BRWD1: variants seen among roughly 807,000 people sequenced by gnomAD.
BRWD1 encodes the protein bromodomain and WD repeat-containing protein 1.
Under a neutral mutation model 251.2 loss-of-function variants are expected in BRWD1, and 82 were observed. The ratio of observed to expected loss-of-function variants is 0.33; its 90% CI spans 0.27 to 0.39. BRWD1 has a LOEUF of 0.39. Ranked by LOEUF, BRWD1 falls within the 10% of genes least tolerant of loss-of-function variation. The pLI is 1.00. For synonymous variants in BRWD1, 918 were observed against 902.8 expected (o/e 1.02, Z -0.30); for missense variants, 2,233 against 2,711.6 (o/e 0.82, Z 3.92).
chr21:39,197,160 G>C lies in BRWD1; in HGVS notation c.5909C>G (p.Thr1970Ser). 6 of 1,614,108 alleles carry C rather than the reference G, an allele frequency of 3.7e-6. No homozygotes were observed. The highest frequency in any genetic ancestry group is 5.1e-6 in the Non-Finnish European group (6 of 1,179,978). Residue 1970 changes from threonine to serine, a missense_variant, in exon 41 of 41, where the codon ACT becomes AGT. Thr to Ser is a moderately conservative substitution (Grantham distance 58, BLOSUM62 1). Transcript: ENST00000342449. ...ATCACTCAATTTCTTCTTAGCTGTAGTACAAGCAAGATGGAGAGGTTTTTT... is the reference window on the plus strand; with the variant it reads ...ATCACTCAATTTCTTCTTAGCTGTACTACAAGCAAGATGGAGAGGTTTTTT... ...GRKKPLHLAC[T>S]TAKKKLSDCE...
At chr21:39,316,000 AGTATGACT>A (rs2036694683), upstream of BRWD1, among the ~76,000 whole-genome samples, 1 of 152,224 alleles carries the variant, frequency 6.6e-6, no homozygotes, top group African/African-American at 2.4e-5. Flanking sequence ...CCAGAAGTTT[AGTATGACT>A]ACTTGGGGTG....
In BRWD1 at chr21:39,269,923, G is replaced by A; in HGVS notation, c.1506C>T (p.Thr502=). The change falls in exon 15 of 41, where the codon ACC becomes ACT. Residue 502 remains threonine (T), a synonymous_variant. Coordinates refer to ENST00000342449, the MANE Select transcript of BRWD1 (RefSeq NM_033656.4). ...CCATATTAAAATAATGTTTCATCTT[G>A]GTACCTTTTGTAATATCCCATATAA... is the stretch of plus-strand genomic sequence containing the variant. The part of the protein sequence containing the change: ...SIFIWDITKG[T]KMKHYFNMIE... The A allele has an allele frequency of 6.5e-7, 1 of 1,538,812 alleles. No individual in the cohort carries two copies. The highest frequency in any genetic ancestry group is 1.3e-5 in the South Asian group (1 of 77,008).
At chr21:39,257,827 AG>A in intron 18 of BRWD1, among the ~76,000 whole-genome samples, 1 of 152,326 alleles carries the variant, frequency 6.6e-6, no homozygotes, top group African/African-American at 2.4e-5. Context: ...CACAAAAAAA[AG>A]CAAAAGCAAG....
chr21:39,317,391 G>A (rs2036709728), upstream of BRWD1, among the ~76,000 whole-genome samples: 1 of 152,190 alleles, frequency 6.6e-6, no homozygotes. Context: ...CATTTTCAAG[G>A]GAACCAACAT....
At chr21:39,292,892 T>G (rs983883904) in intron 8 of BRWD1, among the ~76,000 whole-genome samples, 1 of 152,208 alleles carries the variant, frequency 6.6e-6, no homozygotes, top group Admixed American at 6.5e-5. Flanking sequence ...AACTGGAAAC[T>G]TGAACATCAA....
At chr21:39,293,204 TAAATCAAC>T (rs2035864601) in intron 8 of BRWD1, among the ~76,000 whole-genome samples, 2 of 152,078 alleles carry the variant, frequency 1.3e-5, no homozygotes, top group African/African-American at 4.8e-5. Flanking sequence ...TTTGGTAAAT[TAAATCAAC>T]TAAGCGGCAC....
chr21:39,193,604 A>G lies in BRWD1; in HGVS notation c.*2655T>C. 1.0e-6 allele frequency: 1 copy of G among 985,542 alleles called. No individual in the cohort carries two copies. Among genetic ancestry groups the G allele is most frequent in the Non-Finnish European group, 1.2e-6 (1 of 829,700 alleles). 61.0% of individuals were successfully genotyped at this position (985,542 alleles called of 1,614,324 possible). On this transcript the variant is annotated 3_prime_UTR_variant, in exon 41 of 41. Coordinates refer to ENST00000342449, the MANE Select transcript of BRWD1 (RefSeq NM_033656.4). ...GACTTTGGACATACACAACCAAAGTAGTTTTTGTTTTTCACATACACCATT... is the reference window on the plus strand; with the variant it reads ...GACTTTGGACATACACAACCAAAGTGGTTTTTGTTTTTCACATACACCATT...
chr21:39,237,484 C>T (rs1465535489), intron 22 of BRWD1, among the ~76,000 whole-genome samples: 4 of 152,112 alleles, frequency 2.6e-5, no homozygotes, highest in Non-Finnish European at 5.9e-5. Context: ...CACACCTTTT[C>T]GTCTCTATCA....
In BRWD1 at chr21:39,313,618, C is replaced by G. The variant is rs543604431; in HGVS notation, c.-127G>C. 2.5e-5 allele frequency: 18 copies of G among 712,472 alleles called. No individual in the cohort carries two copies. Among genetic ancestry groups the G allele is most frequent in the Non-Finnish European group, 3.3e-5 (17 of 519,012 alleles). The allele number at this position is 712,472 out of a possible 1,614,324, so 44.1% of individuals were successfully genotyped here. A position where few individuals can be genotyped will look rare whatever the true frequency, so the allele number is the denominator to read the frequency against. ...CGCCGCCGCCGCCGCCGCCGCCATA[C>G]CGTGCGCGCCGCCTGGACCGACGCC... On this transcript the variant is annotated 5_prime_UTR_variant, in exon 1 of 41. Coordinates refer to ENST00000342449, the MANE Select transcript of BRWD1 (RefSeq NM_033656.4).
In BRWD1 at chr21:39,250,776, G is replaced by C; in HGVS notation, c.2349+20C>G. On this transcript the variant is annotated intron_variant, in intron 20 of 40. Transcript: ENST00000342449. ...TTCAATGTAATTTCTAATTTGCTAA[G>C]AAAACAGAATTTAGGTTACCTTATG... 1 of 1,450,672 alleles carries C rather than the reference G, an allele frequency of 6.9e-7. No individual in the cohort carries two copies. The highest frequency in any genetic ancestry group is 9.4e-7 in the Non-Finnish European group (1 of 1,066,538). The allele number at this position is 1,450,672 out of a possible 1,614,324, so 89.9% of individuals were successfully genotyped here.
intron 4 of BRWD1, 191 bp downstream of exon 4, chr21:39,312,650 T>G (rs917299952): frequency 8.8e-5 from 37 of 419,912 alleles, no homozygotes; most frequent in Non-Finnish European, 1.5e-4. Flanking sequence ...AATGACTGTT[T>G]CCTGCCAAAA....
At chr21:39,221,678 G>A (rs1161938280) in intron 29 of BRWD1, among the ~76,000 whole-genome samples, 3 of 152,328 alleles carry the variant, frequency 2.0e-5, no homozygotes, top group East Asian at 3.9e-4. Context: ...GCTCACGCCT[G>A]TAATCCCACC....
chr21:39,277,629 T>C (rs1207470463), intron 10 of BRWD1, among the ~76,000 whole-genome samples: 1 of 151,500 alleles, frequency 6.6e-6, no homozygotes, highest in Non-Finnish European at 1.5e-5. Context: ...AATGGTGTGA[T>C]CTCGGCTCAC....
intron 23 of BRWD1, among the ~76,000 whole-genome samples, chr21:39,232,936 CAAG>C (rs937937546): frequency 9.9e-5 from 15 of 152,112 alleles, no homozygotes; most frequent in Non-Finnish European, 1.8e-4. Flanking sequence ...CTCTCCTTTT[CAAG>C]AAGTGGAAGT....
intron 17 of BRWD1, among the ~76,000 whole-genome samples, chr21:39,263,638 T>C (rs977696341): frequency 1.3e-5 from 2 of 152,104 alleles, no homozygotes; most frequent in Non-Finnish European, 2.9e-5. Flanking sequence ...ATACATATGA[T>C]GCAATGACAG....
In BRWD1 at chr21:39,196,210, C is replaced by T. The variant is rs1275650766; in HGVS notation, c.*49G>A. ...AATAATTTTAACAGCCAGCTTTCAC[C>T]ATAAATGCCAGTCCATTTCCTCTTA... On this transcript the variant is annotated 3_prime_UTR_variant, in exon 41 of 41. Coordinates refer to ENST00000342449, the MANE Select transcript of BRWD1 (RefSeq NM_033656.4). 6.7e-7 allele frequency: 1 copy of T among 1,494,756 alleles called. No homozygotes were observed. The highest frequency in any genetic ancestry group is 2.3e-5 in the East Asian group (1 of 42,628). 92.6% of individuals were successfully genotyped at this position (1,494,756 alleles called of 1,614,324 possible). A position where few individuals can be genotyped will look rare whatever the true frequency, so the allele number is the denominator to read the frequency against.
In BRWD1 at chr21:39,191,606, C is replaced by G; in HGVS notation, c.*4653G>C. The G allele has an allele frequency of 1.7e-5, 17 of 984,718 alleles. No individual in the cohort carries two copies. The highest frequency in any genetic ancestry group is 1.9e-5 in the Non-Finnish European group (16 of 829,548). 61.0% of individuals were successfully genotyped at this position (984,718 alleles called of 1,614,324 possible). On this transcript the variant is annotated 3_prime_UTR_variant, in exon 41 of 41. Transcript: ENST00000342449. Reference sequence around the variant, plus strand: ...TTGTAGGTGAATATATAGTTGCAGTCCAAGGACTGATTCACATTTAGAAAA... The same window carrying G: ...TTGTAGGTGAATATATAGTTGCAGTGCAAGGACTGATTCACATTTAGAAAA...
In BRWD1 at chr21:39,186,131, T is replaced by C. The variant is rs1421158105; in HGVS notation, c.*10128A>G. 1 of 152,216 alleles carries C rather than the reference T, an allele frequency of 6.6e-6. No homozygotes were observed. Among genetic ancestry groups the C allele is most frequent in the Non-Finnish European group, 1.5e-5 (1 of 68,026 alleles). The allele number at this position is 152,216 out of a possible 1,614,324, so 9.4% of individuals were successfully genotyped here. On this transcript the variant is annotated 3_prime_UTR_variant, in exon 41 of 41. Coordinates refer to ENST00000342449, the MANE Select transcript of BRWD1 (RefSeq NM_033656.4). ...TGTAGAGAAACATAAAAGATTTCAC[T>C]GTATCTAAAAATATGACTGTTTTGA... is the stretch of plus-strand genomic sequence containing the variant.
rs760892548 is a variant in BRWD1, at chr21:39,215,317, A to G, written c.3705T>C (p.Asn1235=). The G allele has an allele frequency of 6.8e-6, 11 of 1,613,370 alleles. No homozygotes were observed. The highest frequency in any genetic ancestry group is 9.3e-6 in the Non-Finnish European group (11 of 1,179,474). Residue 1235 remains asparagine (N), a synonymous_variant, in exon 32 of 41, where the codon AAT becomes AAC. Coordinates refer to ENST00000342449, the MANE Select transcript of BRWD1 (RefSeq NM_033656.4). ...LVWEVRYIEH[N]ARTFNEPESV... is the part of the protein sequence containing the mutation. ...TCTCAGGTTCGTTAAATGTTCTGGC[A>G]TTATGTTCTATATATCTGACTTCCC... is the stretch of plus-strand genomic sequence containing the variant.
Sources: gnomAD v4.1 joint callset for allele counts (sites outside exome capture counted in the v4.1 genomes callset) on GRCh38, gnomAD v4.1.1 for gene constraint, MANE v1.5 for transcripts, NCBI Gene and HGNC (gene_info 2026-07-23, HGNC 2026-07-21) for gene names.